USH2A: variants seen among roughly 807,000 people sequenced by gnomAD.
The protein encoded by USH2A is Usher syndrome 2A (autosomal recessive, mild).
A neutral mutation model predicts 538.9 loss-of-function variants in USH2A; 443 were observed. That is an observed-to-expected ratio of 0.82 (90% CI 0.76 to 0.89). The LOEUF (loss-of-function observed/expected upper bound fraction) is 0.89. Ranked by LOEUF, USH2A falls within the 40% of genes least tolerant of loss-of-function variation. The pLI is 0.00. For missense variants in USH2A, 6,633 were observed against 6,324.8 expected (o/e 1.05, Z -1.65); for synonymous variants, 2,413 against 2,273.5 (o/e 1.06, Z -1.75).
At chr1:216,378,234 T>C (rs932942461) in intron 3 of USH2A, among the ~76,000 whole-genome samples, 14 of 152,212 alleles carry the variant, frequency 9.2e-5, no homozygotes, top group Non-Finnish European at 1.6e-4. Flanking sequence ...TGAGAATGAC[T>C]AAAGTTACAA....
chr1:215,998,883 T>G lies in USH2A; in HGVS notation c.6657+4A>C, dbSNP rs913907092. The G allele has an allele frequency of 1.2e-6, 2 of 1,612,484 alleles. No individual in the cohort carries two copies. The highest frequency in any genetic ancestry group is 1.7e-6 in the Non-Finnish European group (2 of 1,179,106). ...GACAGAGAAAGTGATGGAAATAAAC[T>G]TACTCCCAGCTTGATGAGATATTTA... On this transcript the variant is annotated splice_donor_region_variant and intron_variant, in intron 34 of 71. Coordinates refer to ENST00000307340, the MANE Select transcript of USH2A (RefSeq NM_206933.4).
chr1:216,268,633 G>C (rs796105270), intron 11 of USH2A, among the ~76,000 whole-genome samples: 16 of 152,194 alleles, frequency 1.1e-4, no homozygotes, highest in African/African-American at 3.9e-4. Context: ...GCTTGCACAA[G>C]GATCCCGTAG....
At position 216,196,512 on chromosome 1, in the gene USH2A, T is replaced by C. The variant is rs770739296; in HGVS notation, c.4251+41A>G. 4 of 1,611,342 alleles carry C rather than the reference T, an allele frequency of 2.5e-6. No homozygotes were observed. In the African/African-American group the frequency reaches 5.3e-5, roughly 22 times the overall value. The stretch of plus-strand genomic sequence containing the variant: ...CTCAAAAAATGTCCAAATGAAGCCC[T>C]AAGCCAATTCTGAAAGGACATTAGT... On this transcript the variant is annotated intron_variant, in intron 19 of 71. Coordinates refer to ENST00000307340, the MANE Select transcript of USH2A (RefSeq NM_206933.4).
At chr1:216,388,913 G>C (rs2039052679) in intron 3 of USH2A, among the ~76,000 whole-genome samples, 1 of 152,160 alleles carries the variant, frequency 6.6e-6, no homozygotes. Flanking sequence ...ACAGAAAATG[G>C]AAACTACTGT....
At chr1:215,811,854 C>T (rs193051367) in intron 49 of USH2A, among the ~76,000 whole-genome samples, 7,114 of 150,970 alleles carry the variant, frequency 0.047, 266 homozygotes, top group South Asian at 0.14. Flanking sequence ...TGCAGTGAGC[C>T]GGAGATCACG....
chr1:215,660,841 C>G (rs1657416784), intron 64 of USH2A, among the ~76,000 whole-genome samples: 1 of 152,198 alleles, frequency 6.6e-6, no homozygotes, highest in Non-Finnish European at 1.5e-5. Flanking sequence ...GCTCCATCAA[C>G]AGATAAATCA....
At position 215,996,586 on chromosome 1, in the gene USH2A, T is replaced by G. The variant is rs1254302176; in HGVS notation, c.6657+2301A>C. On this transcript the variant is annotated intron_variant, in intron 34 of 71. Transcript: ENST00000307340. ...TTTTTTTTTTTTTTTTTTTTTTTTT[T>G]TTTTTTTTTGCAGTGGAAAGAGTAT... Among the ~76,000 whole-genome samples the G allele has an allele frequency of 5.0e-5, 6 of 119,056 alleles. 1 individual carries two copies. Among genetic ancestry groups the G allele is most frequent in the Non-Finnish European group, 9.3e-5 (5 of 53,482 alleles). The allele number at this position is 119,056 out of a possible 152,430, so 78.1% of individuals were successfully genotyped here. A position where few individuals can be genotyped will look rare whatever the true frequency, so the allele number is the denominator to read the frequency against.
At chr1:216,011,460 C>A (rs1668566797) in intron 32 of USH2A, among the ~76,000 whole-genome samples, 1 of 152,142 alleles carries the variant, frequency 6.6e-6, no homozygotes, top group African/African-American at 2.4e-5. Context: ...CATGTGCTCT[C>A]CCTGCTGATC....
intron 4 of USH2A, among the ~76,000 whole-genome samples, chr1:216,341,975 C>G (rs1361799143): frequency 6.6e-6 from 1 of 152,054 alleles, no homozygotes; most frequent in Non-Finnish European, 1.5e-5. Context: ...GCAATTGCAA[C>G]AAAAGCAAAA....
chr1:215,973,619 A>G (rs970975486), intron 35 of USH2A, among the ~76,000 whole-genome samples: 14 of 148,604 alleles, frequency 9.4e-5, no homozygotes, highest in African/African-American at 3.5e-4. Flanking sequence ...ATCCTCTCTC[A>G]GTGACAGTTT....
At chr1:216,163,902 C>A (rs988276454) in intron 21 of USH2A, among the ~76,000 whole-genome samples, 14 of 151,978 alleles carry the variant, frequency 9.2e-5, no homozygotes, top group African/African-American at 3.4e-4. Flanking sequence ...ATCTTGATCC[C>A]ACAAGTCCTA....
Position 216,061,089 on chromosome 1 carries a change from C to G in USH2A, c.6049+9012G>C, listed in dbSNP as rs796657644. Among the ~76,000 whole-genome samples, 128 of 152,340 alleles carry G rather than the reference C, an allele frequency of 8.4e-4. 1 individual carries two copies. Among genetic ancestry groups the G allele is most frequent in the African/African-American group, 3.1e-3 (127 of 41,586 alleles). ...CCTTGGCCTTGGGAGGGCACAGAAT[C>G]TAGACCCTGTGGCCCAAAGGGGCCC... On this transcript the variant is annotated intron_variant, in intron 30 of 71. Transcript: ENST00000307340.
chr1:215,836,852 C>T (rs1324417427), intron 47 of USH2A, among the ~76,000 whole-genome samples: 1 of 151,326 alleles, frequency 6.6e-6, no homozygotes, highest in Non-Finnish European at 1.5e-5. Flanking sequence ...CACCACGCCC[C>T]ACCTTGCCTT....
intron 38 of USH2A, among the ~76,000 whole-genome samples, chr1:215,933,705 G>A (rs1316859363): frequency 6.6e-6 from 1 of 151,888 alleles, no homozygotes; most frequent in East Asian, 1.9e-4. Context: ...CTGCCCTTCG[G>A]ATTGCTGATA....
chr1:215,643,300 A>T (rs1273237136), intron 67 of USH2A, among the ~76,000 whole-genome samples: 1 of 152,092 alleles, frequency 6.6e-6, no homozygotes, highest in African/African-American at 2.4e-5. Context: ...ACCAGGCCCC[A>T]AATTATTTTC....
chr1:216,020,585 T>C (rs576929783), intron 32 of USH2A, among the ~76,000 whole-genome samples: 1 of 152,250 alleles, frequency 6.6e-6, no homozygotes, highest in South Asian at 2.1e-4. Flanking sequence ...GCATCTTTTG[T>C]TCTAATTAAG....
rs371814841 is a variant in USH2A at position 216,352,206 on chromosome 1, G to T, written c.784+12747C>A. Among the ~76,000 whole-genome samples the T allele has an allele frequency of 9.9e-5, 15 of 152,156 alleles. 1 individual carries two copies. The highest frequency in any genetic ancestry group is 3.9e-4 in the Admixed American group (6 of 15,264). ...GTGATCTTTAAGGGAGTGAGTGTCT[G>T]TAGACACGGGAGCAGAGCTAAGTCT... On this transcript the variant is annotated intron_variant, in intron 4 of 71. Coordinates refer to ENST00000307340, the MANE Select transcript of USH2A (RefSeq NM_206933.4).
intron 32 of USH2A, among the ~76,000 whole-genome samples, chr1:216,045,578 T>C (rs985870975): frequency 6.6e-6 from 1 of 152,158 alleles, no homozygotes; most frequent in Non-Finnish European, 1.5e-5. Flanking sequence ...ACCACTCTAA[T>C]AGCTCATGTG....
chr1:215,861,271 A>G (rs1417505919), intron 44 of USH2A, among the ~76,000 whole-genome samples: 1 of 152,212 alleles, frequency 6.6e-6, no homozygotes, highest in Non-Finnish European at 1.5e-5. Flanking sequence ...GAGATAGTAT[A>G]ATAGATATAT....
Sources: gnomAD v4.1 joint callset for allele counts (sites outside exome capture counted in the v4.1 genomes callset) on GRCh38, gnomAD v4.1.1 for gene constraint, MANE v1.5 for transcripts, NCBI Gene and HGNC (gene_info 2026-07-23, HGNC 2026-07-21) for gene names.